Variants in FAM107B observed in about 807,000 individuals in gnomAD.
FAM107B encodes protein FAM107B.
In FAM107B, 21 loss-of-function variants were observed where a neutral mutation model predicts 31.5. The observed-to-expected ratio is 0.67, with a 90% CI of 0.47 to 0.96. The LOEUF (loss-of-function observed/expected upper bound fraction) is 0.96. FAM107B is among the 40% of genes least tolerant of loss of function. FAM107B has a pLI of 0.00. For synonymous variants in FAM107B, 157 were observed against 141.5 expected (o/e 1.11, Z -0.78); for missense variants, 452 against 377.1 (o/e 1.20, Z -1.64).
chr10:14,670,571 A>G (rs1487435935), intron 1 of FAM107B, among the ~76,000 whole-genome samples: 1 of 152,178 alleles, frequency 6.6e-6, no homozygotes, highest in Non-Finnish European at 1.5e-5. Flanking sequence ...AAATAAAGTC[A>G]TTTTCAAGAT....
At chr10:14,620,404 T>C (rs2131401812) in intron 2 of FAM107B, among the ~76,000 whole-genome samples, 1 of 152,346 alleles carries the variant, frequency 6.6e-6, no homozygotes, top group South Asian at 2.1e-4. Context: ...TACTTTACAG[T>C]AACTCTAAAA....
intron 1 of FAM107B, among the ~76,000 whole-genome samples, chr10:14,717,206 T>A (rs1416047109): frequency 6.6e-6 from 1 of 152,242 alleles, no homozygotes; most frequent in Non-Finnish European, 1.5e-5. Flanking sequence ...GCACGTGGTT[T>A]GTTCTGAAGT....
intron 2 of FAM107B, among the ~76,000 whole-genome samples, chr10:14,573,180 T>A (rs1452861541): frequency 6.6e-6 from 1 of 152,124 alleles, no homozygotes; most frequent in Non-Finnish European, 1.5e-5. Flanking sequence ...CTGAAAACTG[T>A]CTGCTATGGT....
intron 2 of FAM107B, among the ~76,000 whole-genome samples, chr10:14,602,203 G>C (rs1244259317): frequency 1.3e-5 from 2 of 152,156 alleles, no homozygotes; most frequent in Non-Finnish European, 2.9e-5. Context: ...ACACTCCCCT[G>C]AGCGTGTGTG....
intron 2 of FAM107B, among the ~76,000 whole-genome samples, chr10:14,535,098 T>C (rs1317929991): frequency 6.6e-6 from 1 of 152,212 alleles, no homozygotes; most frequent in Admixed American, 6.5e-5. Flanking sequence ...ATTACTGACA[T>C]GAAACATCAT....
intron 1 of FAM107B, among the ~76,000 whole-genome samples, chr10:14,712,626 A>AAAAAAG (rs1554851690): frequency 2.9e-4 from 42 of 146,944 alleles, no homozygotes; most frequent in African/African-American, 4.6e-4. Flanking sequence ...AACAAAAAAA[A>AAAAAAG]AAGAAGAAGA....
At chr10:14,666,170 T>G (rs1314228536) in intron 2 of FAM107B, among the ~76,000 whole-genome samples, 1 of 152,190 alleles carries the variant, frequency 6.6e-6, no homozygotes, top group African/African-American at 2.4e-5. Flanking sequence ...AAAGATTATT[T>G]TGGATTGTGT....
intron 2 of FAM107B, among the ~76,000 whole-genome samples, chr10:14,564,398 A>G (rs1323418153): frequency 6.6e-6 from 1 of 151,966 alleles, no homozygotes; most frequent in East Asian, 1.9e-4. Context: ...TCACCATTCT[A>G]TATCAAAATA....
intron 2 of FAM107B, among the ~76,000 whole-genome samples, chr10:14,618,207 G>A (rs1411702160): frequency 1.3e-5 from 2 of 152,158 alleles, no homozygotes; most frequent in African/African-American, 4.8e-5. Flanking sequence ...AGACGCTTTT[G>A]AGATTTCTCT....
chr10:14,721,725 T>C (rs991018525), intron 1 of FAM107B, among the ~76,000 whole-genome samples: 8 of 152,238 alleles, frequency 5.3e-5, no homozygotes, highest in African/African-American at 1.4e-4. Flanking sequence ...GTTTAAGTTC[T>C]CTGTAGATTC....
chr10:14,523,123 C>T (rs906852401), intron 3 of FAM107B, among the ~76,000 whole-genome samples: 3 of 152,232 alleles, frequency 2.0e-5, no homozygotes, highest in Admixed American at 6.5e-5. Flanking sequence ...TTCTCTAGTG[C>T]TATATCTGTC....
intron 1 of FAM107B, among the ~76,000 whole-genome samples, chr10:14,773,707 A>C (rs1217475116): frequency 2.0e-5 from 3 of 152,172 alleles, no homozygotes; most frequent in African/African-American, 7.2e-5. Flanking sequence ...TTATCACAAA[A>C]ACATCCATAT....
chr10:14,548,528 G>A (rs762276486), intron 2 of FAM107B: 3 of 985,464 alleles, frequency 3.0e-6, no homozygotes, highest in Non-Finnish European at 3.6e-6. Context: ...TCGCTTGGAG[G>A]TGGCAGGAGG....
chr10:14,524,320 G>A lies in FAM107B; in HGVS notation c.654-2301C>T, dbSNP rs1375413330. Among the ~76,000 whole-genome samples, 4 of 152,096 alleles carry A rather than the reference G, an allele frequency of 2.6e-5. No homozygotes were observed. In the East Asian group the frequency reaches 7.7e-4, roughly 29 times the overall value. ...GGCCTCCCAAAGTGGTGGGATTATA[G>A]GCATCAGCAACCACACCCAGCTAGT... is the stretch of plus-strand genomic sequence containing the variant. On this transcript the variant is annotated intron_variant, in intron 3 of 4. Transcript: ENST00000181796.
intron 1 of FAM107B, among the ~76,000 whole-genome samples, chr10:14,767,361 G>A (rs1003398960): frequency 6.6e-6 from 1 of 151,476 alleles, no homozygotes; most frequent in Admixed American, 6.6e-5. Flanking sequence ...CGAAGTCCTG[G>A]GATTACAGGC....
chr10:14,605,464 T>C (rs75133650), intron 2 of FAM107B, among the ~76,000 whole-genome samples: 5,850 of 152,306 alleles, frequency 0.038, 168 homozygotes, highest in East Asian at 0.12. Context: ...TAAGGGCTTA[T>C]TTATGGGGAA....
chr10:14,714,374 G>C (rs890493223), intron 1 of FAM107B, among the ~76,000 whole-genome samples: 9 of 152,240 alleles, frequency 5.9e-5, no homozygotes, highest in African/African-American at 1.4e-4. Flanking sequence ...TGGGCACAGA[G>C]GTTTGGTGGA....
rs1564606686 is a variant in FAM107B at position 14,629,380 on chromosome 10, A to ATAATATATATTATATATT, written c.469+38253_469+38254insAATATATAATATATATTA. Among the ~76,000 whole-genome samples the ATAATATATATTATATATT allele has an allele frequency of 6.8e-4, 7 of 10,360 alleles. 1 individual carries two copies. The highest frequency in any genetic ancestry group is 4.3e-3 in the Admixed American group (4 of 926). 6.8% of individuals were successfully genotyped at this position (10,360 alleles called of 152,430 possible). A position where few individuals can be genotyped will look rare whatever the true frequency, so the allele number is the denominator to read the frequency against. On this transcript the variant is annotated intron_variant, in intron 2 of 4. Transcript: ENST00000181796. The stretch of plus-strand genomic sequence containing the variant: ...AATATATATTATATATTTAATATAT[A>ATAATATATATTATATATT]TAATATATATAATATATATTATATA...
intron 2 of FAM107B, among the ~76,000 whole-genome samples, chr10:14,557,777 G>A (rs760273899): frequency 1.3e-5 from 2 of 152,208 alleles, no homozygotes; most frequent in East Asian, 1.9e-4. Context: ...GAGGCCCAGG[G>A]GGATTAGCAG....
Sources: allele counts gnomAD v4.1 joint callset (sites outside exome capture counted in the v4.1 genomes callset), GRCh38; gene constraint gnomAD v4.1.1; transcripts MANE v1.5; gene names NCBI Gene and HGNC (gene_info 2026-07-23, HGNC 2026-07-21).